Variants in LCOR observed in about 807,000 individuals in gnomAD.
LCOR encodes the protein ligand dependent nuclear receptor corepressor, also known as ligand-dependent corepressor.
In LCOR, 14 loss-of-function variants were observed where a neutral mutation model predicts 64.4. The observed-to-expected ratio is 0.22, with a 90% CI of 0.14 to 0.34. The LOEUF is 0.34. Among genes scored for constraint, LCOR ranks in the 10% least tolerant of loss-of-function variants. The probability of loss-of-function intolerance (pLI) is 1.00; values close to 1 mark genes in which losing one functional copy is unlikely to be tolerated. For synonymous variants in LCOR, 643 were observed against 642.5 expected (o/e 1.00, Z -0.01); for missense variants, 1,686 against 1,765.3 (o/e 0.96, Z 0.80).
chr10:96,912,618 TCC>T (rs1256341228), intron 4 of LCOR, among the ~76,000 whole-genome samples: 5 of 141,288 alleles, frequency 3.5e-5, no homozygotes, highest in South Asian at 2.2e-4. Context: ...CTTCCTTCCT[TCC>T]TTCCTTCCTT....
intron 4 of LCOR, among the ~76,000 whole-genome samples, chr10:96,937,487 G>A (rs1483553769): frequency 6.6e-6 from 1 of 152,194 alleles, no homozygotes; most frequent in East Asian, 1.9e-4. Context: ...AAAGCCCATG[G>A]CCAGGTATCT....
intron 2 of LCOR, among the ~76,000 whole-genome samples, chr10:96,858,372 A>C (rs538171393): frequency 6.6e-6 from 1 of 152,330 alleles, no homozygotes; most frequent in East Asian, 1.9e-4. Flanking sequence ...CAAATTGGTA[A>C]AAGTTGGAGG....
chr10:96,903,145 G>A (rs1237189255), intron 2 of LCOR, among the ~76,000 whole-genome samples: 3 of 152,174 alleles, frequency 2.0e-5, no homozygotes, highest in Non-Finnish European at 4.4e-5. Flanking sequence ...AATGGAGAGT[G>A]CAGGACTGGA....
intron 2 of LCOR, among the ~76,000 whole-genome samples, chr10:96,877,772 C>T (rs1317860132): frequency 1.3e-5 from 2 of 151,902 alleles, no homozygotes; most frequent in African/African-American, 4.8e-5. Context: ...CCACCATGCC[C>T]AGCTAATTTT....
intron 4 of LCOR, among the ~76,000 whole-genome samples, chr10:96,920,956 C>G (rs187393090): frequency 1.3e-5 from 2 of 151,926 alleles, no homozygotes; most frequent in African/African-American, 4.8e-5. Context: ...TGCCACCACA[C>G]CTGGCTAATT....
rs777966317 is a variant in LCOR, at chr10:96,918,571, T to A, written c.-184+10824T>A. Among the ~76,000 whole-genome samples the A allele has an allele frequency of 3.9e-5, 6 of 152,126 alleles. No individual in the cohort carries two copies. The South Asian group carries it at 1.2e-3, about 31-fold the overall frequency. On this transcript the variant is annotated intron_variant, in intron 4 of 7. Transcript: ENST00000421806. ...GATTTTGAGAGCTAAAGGGAGAAGCTTAAGTACTATACTCATAGAAGAAGC... is the reference window on the plus strand; with the variant it reads ...GATTTTGAGAGCTAAAGGGAGAAGCATAAGTACTATACTCATAGAAGAAGC...
chr10:96,968,889 C>G (rs974746249), intron 7 of LCOR, among the ~76,000 whole-genome samples: 3 of 151,882 alleles, frequency 2.0e-5, no homozygotes, highest in East Asian at 1.9e-4. Flanking sequence ...CAGCCCTGAT[C>G]GCACCACTGC....
chr10:96,979,605 A>G (rs973013326), intron 7 of LCOR, among the ~76,000 whole-genome samples: 2 of 151,836 alleles, frequency 1.3e-5, no homozygotes, highest in African/African-American at 4.8e-5. Context: ...ATCTCGGAGA[A>G]TGTAGCAAGT....
intron 2 of LCOR, among the ~76,000 whole-genome samples, chr10:96,840,979 A>G (rs1225216017): frequency 6.6e-6 from 1 of 152,162 alleles, no homozygotes; most frequent in Non-Finnish European, 1.5e-5. Flanking sequence ...CTCCACACAA[A>G]ATACAAAAAT....
intron 2 of LCOR, among the ~76,000 whole-genome samples, chr10:96,893,855 A>G (rs527592730): frequency 9.7e-4 from 147 of 152,210 alleles, no homozygotes; most frequent in African/African-American, 3.3e-3. Context: ...CGTAATTCAT[A>G]TTCTTAACCA....
At position 96,984,203 on chromosome 10, in the gene LCOR, C is replaced by G. The variant is rs771906215; in HGVS notation, c.3743C>G (p.Ala1248Gly). 1 of 1,614,090 alleles carries G rather than the reference C, an allele frequency of 6.2e-7. No individual in the cohort carries two copies. The highest frequency in any genetic ancestry group is 1.1e-5 in the South Asian group (1 of 91,084). ...AAGAAATTTCCTGGAGCTACCCCTG[C>G]TAAGAATAATTGGAAAATGCAGAAG... ...HLKKFPGATP[A>G]KNNWKMQKLW... is the part of the protein sequence containing the mutation. Residue 1248 changes from alanine (A) to glycine (G), a missense_variant, in exon 8 of 8, where the codon GCT becomes GGT. Physicochemically the swap from Ala to Gly is moderately conservative, Grantham distance 60 (BLOSUM62 0). Coordinates refer to ENST00000421806, the MANE Select transcript of LCOR (RefSeq NM_001346516.2).
intron 7 of LCOR, among the ~76,000 whole-genome samples, chr10:96,966,974 G>C (rs1847957888): frequency 6.6e-6 from 1 of 152,164 alleles, no homozygotes; most frequent in Non-Finnish European, 1.5e-5. Flanking sequence ...GAGCACAAGT[G>C]ATTTCTCCCA....
chr10:96,958,315 A>C, intron 7 of LCOR: 1 of 1,524,332 alleles, frequency 6.6e-7, no homozygotes, highest in South Asian at 1.2e-5. Flanking sequence ...GGTAGTCTAT[A>C]TAAGTGATGT....
intron 2 of LCOR, among the ~76,000 whole-genome samples, chr10:96,896,896 AAAGG>A (rs1846546544): frequency 6.6e-6 from 1 of 152,182 alleles, no homozygotes; most frequent in African/African-American, 2.4e-5. Context: ...AAGGGATAGA[AAAGG>A]AAGCCCCACC....
At chr10:96,921,455 A>T (rs537799864) in intron 4 of LCOR, among the ~76,000 whole-genome samples, 1 of 151,842 alleles carries the variant, frequency 6.6e-6, no homozygotes, top group African/African-American at 2.4e-5. Flanking sequence ...TTCATTCTTT[A>T]TTTAATTTTA....
At chr10:96,894,113 A>G (rs1319862767) in intron 2 of LCOR, among the ~76,000 whole-genome samples, 1 of 152,086 alleles carries the variant, frequency 6.6e-6, no homozygotes, top group African/African-American at 2.4e-5. Flanking sequence ...ATTTTTTGTA[A>G]TGGAGTCTCG....
chr10:96,991,743 G>C lies in LCOR; in HGVS notation c.*6609G>C, dbSNP rs567994931. 2 of 152,282 alleles carry C rather than the reference G, an allele frequency of 1.3e-5. No homozygotes were observed. The highest frequency in any genetic ancestry group is 4.8e-5 in the African/African-American group (2 of 41,540). The allele number at this position is 152,282 out of a possible 1,614,324, so 9.4% of individuals were successfully genotyped here. On this transcript the variant is annotated 3_prime_UTR_variant, in exon 8 of 8. Transcript: ENST00000421806. ...GGCAGCTTTAGACAGAACAAGTTCA[G>C]GGCTCTCCAGCCCAGCCCGAGTCAC...
intron 2 of LCOR, among the ~76,000 whole-genome samples, chr10:96,845,379 T>A (rs1845609851): frequency 6.6e-6 from 1 of 151,678 alleles, no homozygotes; most frequent in East Asian, 1.9e-4. Context: ...TCCTGTGTGT[T>A]AGGTTATGTG....
At chr10:96,848,107 A>G (rs1845663609) in intron 2 of LCOR, among the ~76,000 whole-genome samples, 1 of 152,202 alleles carries the variant, frequency 6.6e-6, no homozygotes, top group African/African-American at 2.4e-5. Context: ...GTCAGCCTGT[A>G]TTTTGTCAGA....
Sources: allele counts gnomAD v4.1 joint callset (sites outside exome capture counted in the v4.1 genomes callset), GRCh38; gene constraint gnomAD v4.1.1; transcripts MANE v1.5; gene names NCBI Gene and HGNC (gene_info 2026-07-23, HGNC 2026-07-21).